The following UBE3A variants were observed in gnomAD, a reference collection of about 807,000 sequenced individuals.
The protein encoded by UBE3A is ubiquitin protein ligase E3A, also known as ubiquitin-protein ligase E3A.
UBE3A carries 6 observed loss-of-function variants against 83.4 expected under a neutral mutation model. That is an observed-to-expected ratio of 0.07 (90% CI 0.04 to 0.14). The LOEUF (loss-of-function observed/expected upper bound fraction) is 0.14. Ranked by LOEUF, UBE3A falls within the 10% of genes least tolerant of loss-of-function variation. UBE3A has a pLI of 1.00. For synonymous variants in UBE3A, 337 were observed against 355.4 expected (o/e 0.95, Z 0.58); for missense variants, 456 against 1,036.1 (o/e 0.44, Z 7.69).
intron 2 of UBE3A, among the ~76,000 whole-genome samples, chr15:25,410,477 G>A (rs1349581744): frequency 6.6e-6 from 1 of 152,130 alleles, no homozygotes; most frequent in African/African-American, 2.4e-5. Context: ...CAAATCTGAG[G>A]CATCAACTAC....
Position 25,341,212 on chromosome 15 carries a change from G to A in UBE3A, c.2355-984C>T, listed in dbSNP as rs1040742886. Among the ~76,000 whole-genome samples the A allele has an allele frequency of 2.0e-5, 3 of 146,944 alleles. No individual in the cohort carries two copies. In the South Asian group the frequency reaches 6.7e-4, roughly 33 times the overall value. The stretch of plus-strand genomic sequence containing the variant: ...AGCCTCCCAAGTGGCTGGGACTATA[G>A]GTGCCTGCCACCACGCCTGGCTAAT... On this transcript the variant is annotated intron_variant, in intron 11 of 12. Transcript: ENST00000648336.
chr15:25,436,615 C>T (rs1895166057), intron 1 of UBE3A, among the ~76,000 whole-genome samples: 1 of 152,132 alleles, frequency 6.6e-6, no homozygotes, highest in African/African-American at 2.4e-5. Flanking sequence ...TTAAGAAATA[C>T]AACTGATTAA....
At chr15:25,339,336 T>C in intron 12 of UBE3A, 79 bp from the exon 13 acceptor site, 1 of 1,555,660 alleles carries the variant, frequency 6.4e-7, no homozygotes, top group Non-Finnish European at 8.8e-7. Context: ...CTCCTATTTT[T>C]AGATTGTATA....
At chr15:25,343,318 A>C (rs1318474699) in intron 11 of UBE3A, among the ~76,000 whole-genome samples, 2 of 152,238 alleles carry the variant, frequency 1.3e-5, no homozygotes, top group African/African-American at 4.8e-5. Flanking sequence ...AAACAATGGG[A>C]AACTAGTAAC....
chr15:25,405,606 C>CTGTTTG, intron 3 of UBE3A, 104 bp from the exon 4 acceptor site: 1 of 1,203,240 alleles, frequency 8.3e-7, no homozygotes, highest in South Asian at 1.3e-5. Context: ...GATTTAAGCA[C>CTGTTTG]TAAATAAAAC....
chr15:25,382,642 G>GA (rs974725608), intron 4 of UBE3A, among the ~76,000 whole-genome samples: 5 of 150,832 alleles, frequency 3.3e-5, no homozygotes, highest in African/African-American at 7.3e-5. Context: ...TTTTGCAATA[G>GA]AAAAAAAATC....
At chr15:25,434,963 TATAC>T (rs1404430532) in intron 1 of UBE3A, among the ~76,000 whole-genome samples, 12 of 22,568 alleles carry the variant, frequency 5.3e-4, no homozygotes, top group African/African-American at 1.1e-3. Context: ...TTAAATTCTA[TATAC>T]ATACACACAC....
intron 6 of UBE3A, among the ~76,000 whole-genome samples, chr15:25,360,772 G>T (rs1386127869): frequency 6.6e-6 from 1 of 152,108 alleles, no homozygotes; most frequent in African/African-American, 2.4e-5. Flanking sequence ...GATTTGTTAT[G>T]AAATTAACAT....
intron 4 of UBE3A, among the ~76,000 whole-genome samples, chr15:25,388,806 T>C (rs562987985): frequency 6.6e-6 from 1 of 152,204 alleles, no homozygotes; most frequent in South Asian, 2.1e-4. Flanking sequence ...AGTTAATAGC[T>C]TTCCTGTAAA....
At chr15:25,428,336 G>A (rs1255239043) in intron 1 of UBE3A, among the ~76,000 whole-genome samples, 5 of 151,900 alleles carry the variant, frequency 3.3e-5, no homozygotes, top group Non-Finnish European at 5.9e-5. Flanking sequence ...AAATAACAAA[G>A]AGTAACAAAA....
rs1053836634 is a variant in UBE3A, at chr15:25,340,690, G to A, written c.2355-462C>T. ...TCATCCTTTAACTCAACTTTGGGAG[G>A]AAAAAGTGATACAGATTAAGGACAA... On this transcript the variant is annotated intron_variant, in intron 11 of 12. Coordinates refer to ENST00000648336, the MANE Select transcript of UBE3A (RefSeq NM_130839.5). Among the ~76,000 whole-genome samples, 16 of 151,672 alleles carry A rather than the reference G, an allele frequency of 1.1e-4. No individual in the cohort carries two copies. In the South Asian group the frequency reaches 2.9e-3, roughly 28 times the overall value.
chr15:25,432,696 G>C (rs113087366), intron 1 of UBE3A, among the ~76,000 whole-genome samples: 1 of 152,070 alleles, frequency 6.6e-6, no homozygotes, highest in South Asian at 2.1e-4. Context: ...TGAACTTCTG[G>C]AACACACAAA....
intron 4 of UBE3A, 115 bp downstream of exon 4, chr15:25,405,346 T>G: frequency 8.1e-7 from 1 of 1,235,876 alleles, no homozygotes; most frequent in South Asian, 1.2e-5. Context: ...TCCCATTTAC[T>G]GCTAAATGAT....
chr15:25,414,989 T>C (rs2090613182), intron 1 of UBE3A, among the ~76,000 whole-genome samples: 1 of 152,194 alleles, frequency 6.6e-6, no homozygotes, highest in Non-Finnish European at 1.5e-5. Flanking sequence ...ATTTTTCTCT[T>C]AGGGAACTAG....
intron 1 of UBE3A, among the ~76,000 whole-genome samples, chr15:25,435,302 AGAC>A (rs1318505504): frequency 6.6e-6 from 1 of 152,204 alleles, no homozygotes; most frequent in Non-Finnish European, 1.5e-5. Context: ...CAAAAAAGAC[AGAC>A]ATCTTTCTTG....
At chr15:25,353,033 C>G (rs1357165706) in intron 11 of UBE3A, among the ~76,000 whole-genome samples, 1 of 152,150 alleles carries the variant, frequency 6.6e-6, no homozygotes, top group African/African-American at 2.4e-5. Flanking sequence ...AGAGATGCAT[C>G]AAGATATGAC....
At chr15:25,367,249 G>GTAAATATTTA (rs1566941812) in intron 6 of UBE3A, among the ~76,000 whole-genome samples, 2 of 49,330 alleles carry the variant, frequency 4.1e-5, no homozygotes, top group Non-Finnish European at 8.8e-5. Flanking sequence ...GTAAATATTT[G>GTAAATATTTA]CATATTTGTA....
At chr15:25,373,282 A>C in intron 5 of UBE3A, among the ~76,000 whole-genome samples, 1 of 152,184 alleles carries the variant, frequency 6.6e-6, no homozygotes, top group Non-Finnish European at 1.5e-5. Flanking sequence ...TAGGACATGA[A>C]ACACTTTGCT....
At chr15:25,433,259 CT>C (rs1450959175) in intron 1 of UBE3A, among the ~76,000 whole-genome samples, 4 of 151,416 alleles carry the variant, frequency 2.6e-5, no homozygotes, top group African/African-American at 9.7e-5. Flanking sequence ...TCTTGGCTCA[CT>C]GCAACCTCCG....
Sources: gnomAD v4.1 joint callset for allele counts (sites outside exome capture counted in the v4.1 genomes callset) on GRCh38, gnomAD v4.1.1 for gene constraint, MANE v1.5 for transcripts, NCBI Gene and HGNC (gene_info 2026-07-23, HGNC 2026-07-21) for gene names.